CIZ1: variants seen among roughly 807,000 people sequenced by gnomAD.
CIZ1 encodes CDKN1A interacting zinc finger protein 1.
Under a neutral mutation model 118.6 loss-of-function variants are expected in CIZ1, and 58 were observed. That is an observed-to-expected ratio of 0.49 (90% CI 0.40 to 0.61). The LOEUF (loss-of-function observed/expected upper bound fraction) is 0.61. CIZ1 is among the 20% of genes least tolerant of loss of function. The pLI is 0.00. For missense variants in CIZ1, 921 were observed against 1,115.9 expected (o/e 0.83, Z 2.49); for synonymous variants, 448 against 443.4 (o/e 1.01, Z -0.13).
chr9:128,177,546 C>CCAATAAACAG lies in CIZ1; in HGVS notation c.1818+19_1818+20insCTGTTTATTG. Reference sequence around the variant, plus strand: ...CACGCAGGCCCCACCCCTCCCCACCCTTATCTCCTGTATCAGTACCTGCTG... The same window carrying CCAATAAACAG: ...CACGCAGGCCCCACCCCTCCCCACCCCAATAAACAGTTATCTCCTGTATCAGTACCTGCTG... On this transcript the variant is annotated intron_variant, in intron 10 of 16. Coordinates refer to ENST00000372938, the MANE Select transcript of CIZ1 (RefSeq NM_001131016.2). 7.4e-7 allele frequency: 1 copy of CCAATAAACAG among 1,353,452 alleles called. No homozygotes were observed. Among genetic ancestry groups the CCAATAAACAG allele is most frequent in the Non-Finnish European group, 9.9e-7 (1 of 1,013,750 alleles). 83.8% of individuals were successfully genotyped at this position (1,353,452 alleles called of 1,614,324 possible).
At chr9:128,170,184 A>G in intron 11 of CIZ1, 77 bp from the exon 12 acceptor site, 1 of 1,204,976 alleles carries the variant, frequency 8.3e-7, no homozygotes, top group Non-Finnish European at 1.2e-6. Flanking sequence ...CCATAAGTGT[A>G]ATCCATTCCA....
At chr9:128,169,757 C>G (rs554981705) in intron 12 of CIZ1, 14 of 1,504,412 alleles carry the variant, frequency 9.3e-6, no homozygotes, top group Non-Finnish European at 1.2e-5. Context: ...AGAGAGAAGA[C>G]GAGAGAGAGG....
At chr9:128,188,746 C>A (rs1031148009) in intron 3 of CIZ1, among the ~76,000 whole-genome samples, 41 of 152,134 alleles carry the variant, frequency 2.7e-4, no homozygotes, top group Non-Finnish European at 5.4e-4. Context: ...AATTCTCATG[C>A]CTCAGCCTCC....
chr9:128,176,532 A>G, intron 10 of CIZ1, 57 bp from the exon 11 acceptor site: 1 of 1,568,646 alleles, frequency 6.4e-7, no homozygotes, highest in Non-Finnish European at 8.6e-7. Context: ...ACAGTGGGCA[A>G]GGCTGGGGCC....
At chr9:128,169,873 A>T (rs1412581968) in intron 12 of CIZ1, 147 bp downstream of exon 12, 1 of 989,024 alleles carries the variant, frequency 1.0e-6, no homozygotes, top group Non-Finnish European at 1.5e-6. Flanking sequence ...AGAAGAAACA[A>T]GACTGACTCC....
At chr9:128,170,193 C>A in intron 11 of CIZ1, 86 bp from the exon 12 acceptor site, 3 of 1,103,190 alleles carry the variant, frequency 2.7e-6, no homozygotes, top group Non-Finnish European at 4.1e-6. Flanking sequence ...TAATCCATTC[C>A]AATAGCAACT....
intron 9 of CIZ1, 69 bp downstream of exon 9, chr9:128,178,300 C>T: frequency 2.0e-6 from 3 of 1,532,356 alleles, no homozygotes; most frequent in Non-Finnish European, 1.8e-6. Flanking sequence ...TGGCCTGGGG[C>T]AGAAAGAGGC....
chr9:128,171,055 G>A (rs1318978046), intron 11 of CIZ1, among the ~76,000 whole-genome samples: 1 of 152,126 alleles, frequency 6.6e-6, no homozygotes, highest in African/African-American at 2.4e-5. Flanking sequence ...GAGCCCAGGA[G>A]GTCGAGGCTG....
intron 3 of CIZ1, 97 bp downstream of exon 3, chr9:128,190,232 C>G (rs1173001291): frequency 2.4e-6 from 2 of 840,062 alleles, no homozygotes; most frequent in Non-Finnish European, 3.9e-6. Flanking sequence ...GAATAGCTCC[C>G]TCTCAGGGTG....
upstream of CIZ1, chr9:128,191,588 G>T: frequency 1.7e-6 from 2 of 1,157,410 alleles, no homozygotes; most frequent in Non-Finnish European, 2.1e-6. The surrounding 1 kb of genome is among the most constrained non-coding windows in gnomAD (Gnocchi z 5.5). Flanking sequence ...AATGCGGGCG[G>T]GGCCGGCCGG....
rs1831039846 is a variant in CIZ1, at chr9:128,177,686, CA to C, written c.1697del (p.Leu566ArgfsTer56). The C allele has an allele frequency of 6.2e-7, 1 of 1,605,886 alleles. No homozygotes were observed. The highest frequency in any genetic ancestry group is 1.7e-5 in the Admixed American group (1 of 58,958). ...SDSRAFSTVP[L>X]TPVPRPSDSV... The stretch of plus-strand genomic sequence containing the variant: ...AGTCACTGGGGCGGGGGACAGGTGT[CA>C]GGGGTACAGTGCTAAAGGCCCGGCT... On this transcript the variant is annotated frameshift_variant, in exon 10 of 17. Transcript: ENST00000372938. LOFTEE classifies it high-confidence loss of function.
At position 128,190,433 on chromosome 9, in the gene CIZ1, G is replaced by C. The variant is rs541832126; in HGVS notation, c.182C>G (p.Pro61Arg). ...LPMAVSRGLP[P>R]QQPQQPLLNL... ...CAGAAGCGGCTGCTGTGGCTGCTGC[G>C]GGGGGAGCCCCCTGTGTGTTGGGAG... Residue 61 changes from proline (P) to arginine (R), a missense_variant, in exon 3 of 17, where the codon CCG (proline) becomes CGG (arginine). Transcript: ENST00000372938. 7 of 1,611,220 alleles carry C rather than the reference G, an allele frequency of 4.3e-6. No homozygotes were observed. The highest frequency in any genetic ancestry group is 2.2e-5 in the South Asian group (2 of 90,828).
At chr9:128,197,909 G>A (rs191897683) in intron 1 of CIZ1, 2 of 152,350 alleles carry the variant, frequency 1.3e-5, no homozygotes, top group East Asian at 3.9e-4. Context: ...TTTTACAGAT[G>A]AAGAAACTGA....
At chr9:128,174,168 C>T (rs561225568) in intron 11 of CIZ1, among the ~76,000 whole-genome samples, 3 of 152,316 alleles carry the variant, frequency 2.0e-5, no homozygotes, top group African/African-American at 7.2e-5. Context: ...CCTGGGAACA[C>T]CCCCCTGCCT....
chr9:128,178,398 A>T lies in CIZ1; in HGVS notation c.1591T>A (p.Cys531Ser). Residue 531 changes from cysteine to serine, a missense_variant, in exon 9 of 17, where the codon TGT (cysteine) becomes AGT (serine). By Grantham distance (112) the Cys-to-Ser change is moderately radical. Coordinates refer to ENST00000372938, the MANE Select transcript of CIZ1 (RefSeq NM_001131016.2). Reference sequence around the variant, plus strand: ...GGCATCTCTCTCGCTCTGTTTTCACATTCTCCCACATCTAGGCCACAGGCC... The same window carrying T: ...GGCATCTCTCTCGCTCTGTTTTCACTTTCTCCCACATCTAGGCCACAGGCC... ...ESACGLDVGE[C>S]ENRAREMPGV... 2 of 1,613,796 alleles carry T rather than the reference A, an allele frequency of 1.2e-6. No individual in the cohort carries two copies. The highest frequency in any genetic ancestry group is 1.7e-6 in the Non-Finnish European group (2 of 1,179,924).
At chr9:128,186,569 G>A (rs1179721108) in intron 4 of CIZ1, among the ~76,000 whole-genome samples, 6 of 152,108 alleles carry the variant, frequency 3.9e-5, no homozygotes, top group South Asian at 2.1e-4. Context: ...GCGATCTTTC[G>A]CAAACCATAT....
At chr9:128,167,068 C>T in intron 15 of CIZ1, 27 bp downstream of exon 15, 1 of 1,585,950 alleles carries the variant, frequency 6.3e-7, no homozygotes, top group Non-Finnish European at 8.6e-7. Context: ...GAAGCTCCTG[C>T]AGGTGGGCTC....
Position 128,177,546 on chromosome 9 carries a change from C to CCAAAAAAAAA in CIZ1, c.1818+19_1818+20insTTTTTTTTTG. The CCAAAAAAAAA allele has an allele frequency of 5.2e-6, 7 of 1,353,452 alleles. No individual in the cohort carries two copies. Among genetic ancestry groups the CCAAAAAAAAA allele is most frequent in the Non-Finnish European group, 6.9e-6 (7 of 1,013,750 alleles). 83.8% of individuals were successfully genotyped at this position (1,353,452 alleles called of 1,614,324 possible). On this transcript the variant is annotated intron_variant, in intron 10 of 16. Transcript: ENST00000372938. ...CACGCAGGCCCCACCCCTCCCCACC[C>CCAAAAAAAAA]TTATCTCCTGTATCAGTACCTGCTG...
rs1222668744 is a variant in CIZ1 at position 128,173,954 on chromosome 9, C to A, written c.1943+2397G>T. ...CCAGGAGGCGGAGCTTGCAGTGAGC[C>A]GAGATCGCGCCACTGCACTCCAGCC... is the stretch of plus-strand genomic sequence containing the variant. On this transcript the variant is annotated intron_variant, in intron 11 of 16. Coordinates refer to ENST00000372938, the MANE Select transcript of CIZ1 (RefSeq NM_001131016.2). Among the ~76,000 whole-genome samples the A allele has an allele frequency of 3.3e-5, 5 of 151,758 alleles. No individual in the cohort carries two copies. In the East Asian group the frequency reaches 7.8e-4, roughly 24 times the overall value.
Sources: allele counts gnomAD v4.1 joint callset (sites outside exome capture counted in the v4.1 genomes callset), GRCh38; gene constraint gnomAD v4.1.1; non-coding constraint Gnocchi (gnomAD v3.1); transcripts MANE v1.5; gene names NCBI Gene and HGNC (gene_info 2026-07-23, HGNC 2026-07-21).